TEK: variants seen among roughly 807,000 people sequenced by gnomAD.
TEK encodes angiopoietin-1 receptor.
Under a neutral mutation model 131.8 loss-of-function variants are expected in TEK, and 43 were observed. The observed-to-expected ratio is 0.33, with a 90% confidence interval of 0.26 to 0.42. The LOEUF (loss-of-function observed/expected upper bound fraction) is 0.42, where lower values mean the gene tolerates loss of function less well. Among genes scored for constraint, TEK ranks in the 10% least tolerant of loss-of-function variants. The pLI is 1.00. For synonymous variants in TEK, 580 were observed against 491.6 expected (o/e 1.18, Z -2.38); for missense variants, 1,162 against 1,384.4 (o/e 0.84, Z 2.55).
At chr9:27,114,372 A>G (rs1168180086) in intron 1 of TEK, among the ~76,000 whole-genome samples, 1 of 152,180 alleles carries the variant, frequency 6.6e-6, no homozygotes, top group African/African-American at 2.4e-5. Context: ...GGAGTCCGAG[A>G]CCAGCCTGAC....
intron 10 of TEK, 21 bp downstream of exon 10, chr9:27,190,711 A>G: frequency 6.2e-7 from 1 of 1,613,746 alleles, no homozygotes; most frequent in Non-Finnish European, 8.5e-7. Flanking sequence ...GACAGGATAG[A>G]TGCCAGCTGG....
intron 14 of TEK, 32 bp from the exon 15 acceptor site, chr9:27,206,550 G>A (rs974574787): frequency 6.3e-7 from 1 of 1,598,796 alleles, no homozygotes; most frequent in African/African-American, 1.3e-5. Context: ...GAAAAATCCT[G>A]ACACAAAATG....
At chr9:27,156,576 A>G (rs7853262) in intron 1 of TEK, among the ~76,000 whole-genome samples, 24,208 of 152,020 alleles carry the variant, frequency 0.16, 2,401 homozygotes, top group Admixed American at 0.23. Flanking sequence ...AGGAAAGAGT[A>G]TCTTGTATCC....
At chr9:27,218,547 AGTT>A (rs1402565086) in intron 19 of TEK, among the ~76,000 whole-genome samples, 7 of 150,516 alleles carry the variant, frequency 4.7e-5, no homozygotes, top group Non-Finnish European at 1.0e-4. Flanking sequence ...TGTAGTCTCT[AGTT>A]AAAGTGATTT....
At chr9:27,134,294 C>A (rs575008359) in intron 1 of TEK, among the ~76,000 whole-genome samples, 25 of 152,278 alleles carry the variant, frequency 1.6e-4, no homozygotes, top group African/African-American at 5.8e-4. Context: ...CTCATTTACT[C>A]TGTGAGATAT....
Position 27,197,590 on chromosome 9 carries a change from C to T in TEK, c.1900C>T (p.Leu634Phe), listed in dbSNP as rs35378598. ...GAGTGAAGATCTCACTGCTTGGACC[C>T]TTAGTGACAGTAAGTAATTCATGCT... ...EWSEDLTAWT[L>F]SDILPPQPEN... is the part of the protein sequence containing the mutation. The change falls in exon 12 of 23, where the codon CTT (leucine) becomes TTT (phenylalanine). Residue 634 changes from leucine (L) to phenylalanine (F), a missense_variant. Around this residue, in one of 6 missense-constraint regions of TEK, gnomAD observed 477 missense variants for 471.0 expected, o/e 1.01. Transcript: ENST00000380036. The T allele has an allele frequency of 1.3e-3, 2,072 of 1,613,834 alleles. 8 individuals carry two copies. The highest frequency in any genetic ancestry group is 3.0e-3 in the Middle Eastern group (18 of 6,058).
rs141987574 is a variant in TEK, at chr9:27,140,071, G to A, written c.53-17760G>A. Among the ~76,000 whole-genome samples the A allele has an allele frequency of 4.3e-3, 651 of 152,256 alleles. 3 individuals are homozygous for A. The highest frequency in any genetic ancestry group is 0.015 in the African/African-American group (621 of 41,546). On this transcript the variant is annotated intron_variant, in intron 1 of 22. Coordinates refer to ENST00000380036, the MANE Select transcript of TEK (RefSeq NM_000459.5). ...GATCCATTTCCTGGTGCTCAGATCA[G>A]TGTCCATTTTAATCGGTTGGTCCAG...
Position 27,229,314 on chromosome 9 carries a change from C to A in TEK, c.*82C>A. 2 of 1,330,302 alleles carry A rather than the reference C, an allele frequency of 1.5e-6. No homozygotes were observed. Among genetic ancestry groups the A allele is most frequent in the Non-Finnish European group, 2.2e-6 (2 of 923,272 alleles). The allele number at this position is 1,330,302 out of a possible 1,614,324, so 82.4% of individuals were successfully genotyped here. A position where few individuals can be genotyped will look rare whatever the true frequency, so the allele number is the denominator to read the frequency against. The stretch of plus-strand genomic sequence containing the variant: ...ACCTGCTGAGAAAACATGCCTCTGC[C>A]AAAGGATGTGATATATAAGTGTACA... On this transcript the variant is annotated 3_prime_UTR_variant, in exon 23 of 23. Coordinates refer to ENST00000380036, the MANE Select transcript of TEK (RefSeq NM_000459.5).
chr9:27,195,461 G>C (rs1041647824), intron 11 of TEK, among the ~76,000 whole-genome samples: 1 of 152,082 alleles, frequency 6.6e-6, no homozygotes, highest in Non-Finnish European at 1.5e-5. Context: ...ATCTGTTTCT[G>C]TATTATGGTC....
intron 1 of TEK, among the ~76,000 whole-genome samples, chr9:27,127,079 C>A (rs1430773669): frequency 6.6e-6 from 1 of 152,166 alleles, no homozygotes; most frequent in African/African-American, 2.4e-5. Flanking sequence ...CTGCAGCTAT[C>A]AACCCATCAT....
chr9:27,221,827 C>T (rs986181309), intron 21 of TEK, among the ~76,000 whole-genome samples: 1 of 152,154 alleles, frequency 6.6e-6, no homozygotes, highest in Non-Finnish European at 1.5e-5. Flanking sequence ...AACCAGAATG[C>T]CTCTCCTCCT....
intron 1 of TEK, among the ~76,000 whole-genome samples, chr9:27,145,805 G>C (rs1167513110): frequency 6.6e-6 from 1 of 152,178 alleles, no homozygotes; most frequent in Non-Finnish European, 1.5e-5. Context: ...CATTGTCTAA[G>C]GAAGAAGACA....
In TEK at chr9:27,228,192, C is replaced by G. The variant is rs1245957203; in HGVS notation, c.3201-14C>G. On this transcript the variant is annotated splice_polypyrimidine_tract_variant and intron_variant, in intron 21 of 22. Coordinates refer to ENST00000380036, the MANE Select transcript of TEK (RefSeq NM_000459.5). ...CAGTTATAGAATTAACCCTTTAATT[C>G]TTTGCTTTCGAAGGTATGATCTAAT... 1 of 1,605,848 alleles carries G rather than the reference C, an allele frequency of 6.2e-7. No homozygotes were observed. The highest frequency in any genetic ancestry group is 8.5e-7 in the Non-Finnish European group (1 of 1,173,182).
chr9:27,220,639 T>A (rs1379802712), intron 21 of TEK, among the ~76,000 whole-genome samples: 1 of 152,120 alleles, frequency 6.6e-6, no homozygotes, highest in East Asian at 1.9e-4. Flanking sequence ...AGACAGTGGG[T>A]ACAGCCCATG....
chr9:27,213,260 CTG>C (rs1366709337), intron 17 of TEK, among the ~76,000 whole-genome samples: 1 of 152,098 alleles, frequency 6.6e-6, no homozygotes, highest in Non-Finnish European at 1.5e-5. Flanking sequence ...ATTTAACAAC[CTG>C]TGTTTTTTAT....
chr9:27,157,718 T>A, intron 1 of TEK, 113 bp from the exon 2 acceptor site: 2 of 1,289,722 alleles, frequency 1.6e-6, no homozygotes, highest in South Asian at 2.4e-5. Flanking sequence ...CAGAATAGCA[T>A]TTTAGAAAGA....
At chr9:27,207,251 A>AT (rs1337338251) in intron 15 of TEK, among the ~76,000 whole-genome samples, 1 of 152,190 alleles carries the variant, frequency 6.6e-6, no homozygotes, top group African/African-American at 2.4e-5. Flanking sequence ...TGGGGACCAC[A>AT]TTTTGCAAAC....
chr9:27,118,387 C>T (rs1292350137), intron 1 of TEK, among the ~76,000 whole-genome samples: 1 of 152,062 alleles, frequency 6.6e-6, no homozygotes, highest in Admixed American at 6.5e-5. Context: ...GTAATCCCAG[C>T]ACTTTGGGAG....
At chr9:27,182,749 C>G (rs1454648979) in intron 7 of TEK, among the ~76,000 whole-genome samples, 1 of 152,234 alleles carries the variant, frequency 6.6e-6, no homozygotes, top group Admixed American at 6.5e-5. Flanking sequence ...GTTATTCATT[C>G]TCTACTGTGT....
Sources: allele counts gnomAD v4.1 joint callset (sites outside exome capture counted in the v4.1 genomes callset), GRCh38; gene constraint gnomAD v4.1.1; regional missense constraint gnomAD v4.1.1; transcripts MANE v1.5; gene names NCBI Gene and HGNC (gene_info 2026-07-23, HGNC 2026-07-21).